Variants in CDH13 observed in about 807,000 individuals in gnomAD.
CDH13 encodes cadherin-13.
In CDH13, 24 loss-of-function variants were observed where a neutral mutation model predicts 63.8. The observed-to-expected ratio is 0.38, with a 90% CI of 0.27 to 0.53. The LOEUF is 0.53. CDH13 is among the 20% of genes least tolerant of loss of function. The pLI is 0.85. For missense variants in CDH13, 1,049 were observed against 903.1 expected (o/e 1.16, Z -2.07); for synonymous variants, 503 against 355.3 (o/e 1.42, Z -4.67).
chr16:83,117,469 C>T (rs1378320598), intron 3 of CDH13, among the ~76,000 whole-genome samples: 32 of 152,156 alleles, frequency 2.1e-4, no homozygotes. Context: ...CCCCTGAGCA[C>T]TTCCAGCCCT....
Position 83,484,005 on chromosome 16 carries a change from C to G in CDH13, c.782-2472C>G, listed in dbSNP as rs1246335688. ...CTTGAAGCTTGCCCTGAGACCATCTCACAGGGCAAAGAAGCTAGGTGGATA... is the reference window on the plus strand; with the variant it reads ...CTTGAAGCTTGCCCTGAGACCATCTGACAGGGCAAAGAAGCTAGGTGGATA... On this transcript the variant is annotated intron_variant, in intron 6 of 13. Transcript: ENST00000567109. 2.0e-5 allele frequency among the ~76,000 whole-genome samples: 3 copies of G among 152,234 alleles called. No individual in the cohort carries two copies. The South Asian group carries it at 6.2e-4, about 32-fold the overall frequency.
intron 6 of CDH13, among the ~76,000 whole-genome samples, chr16:83,385,025 A>G (rs911018692): frequency 6.6e-6 from 1 of 152,226 alleles, no homozygotes. Context: ...AACAGCAGCC[A>G]GCTCCCAGCA....
chr16:83,129,865 A>G (rs921083710), intron 4 of CDH13, among the ~76,000 whole-genome samples: 2 of 152,058 alleles, frequency 1.3e-5, no homozygotes, highest in Non-Finnish European at 2.9e-5. Context: ...TAATATATCT[A>G]TATTATTTTT....
At chr16:83,393,529 C>T (rs945545170) in intron 6 of CDH13, among the ~76,000 whole-genome samples, 2 of 152,172 alleles carry the variant, frequency 1.3e-5, no homozygotes, top group Non-Finnish European at 2.9e-5. Context: ...CTGCCAGGAA[C>T]CAGGGCAGCT....
intron 3 of CDH13, among the ~76,000 whole-genome samples, chr16:83,032,760 C>G (rs1161454392): frequency 6.6e-6 from 1 of 152,184 alleles, no homozygotes; most frequent in Non-Finnish European, 1.5e-5. Flanking sequence ...GGTCACATTT[C>G]TTTTCCTGAA....
In CDH13 at chr16:83,393,739, C is replaced by T. The variant is rs181714000; in HGVS notation, c.781+48733C>T. On this transcript the variant is annotated intron_variant, in intron 6 of 13. Transcript: ENST00000567109. The stretch of plus-strand genomic sequence containing the variant: ...CCTGGTCAAGGAACCAGGCTCAGCC[C>T]ACAATGTATGCATTTATTCATTCAT... Among the ~76,000 whole-genome samples the T allele has an allele frequency of 1.1e-3, 174 of 152,278 alleles. 1 individual carries two copies. Among genetic ancestry groups the T allele is most frequent in the African/African-American group, 3.9e-3 (160 of 41,550 alleles).
chr16:83,483,154 C>T (rs905094795), intron 6 of CDH13, among the ~76,000 whole-genome samples: 2 of 152,142 alleles, frequency 1.3e-5, no homozygotes, highest in African/African-American at 2.4e-5. Context: ...CCAGATACGT[C>T]ACCTCAGAGT....
chr16:83,528,956 G>T (rs2075022279), intron 7 of CDH13, among the ~76,000 whole-genome samples: 1 of 152,064 alleles, frequency 6.6e-6, no homozygotes. Flanking sequence ...GTTACTAATG[G>T]GGTAGTTATA....
At chr16:83,112,276 A>G (rs16959294) in intron 3 of CDH13, among the ~76,000 whole-genome samples, 3,248 of 152,342 alleles carry the variant, frequency 0.021, 116 homozygotes, top group African/African-American at 0.074. Context: ...CAAGAAACCA[A>G]TCCCGTTGGC....
chr16:83,106,214 T>C (rs1172461247), intron 3 of CDH13, among the ~76,000 whole-genome samples: 1 of 152,212 alleles, frequency 6.6e-6, no homozygotes, highest in Non-Finnish European at 1.5e-5. Flanking sequence ...TATTTGCCTT[T>C]CATTTATAGT....
At chr16:83,613,111 C>T (rs1389488816) in intron 8 of CDH13, among the ~76,000 whole-genome samples, 2 of 152,138 alleles carry the variant, frequency 1.3e-5, no homozygotes, top group African/African-American at 4.8e-5. Flanking sequence ...TCAAAGATAA[C>T]ATTTCATTGT....
intron 10 of CDH13, among the ~76,000 whole-genome samples, chr16:83,716,749 T>C (rs923188475): frequency 3.3e-5 from 5 of 152,316 alleles, no homozygotes; most frequent in Non-Finnish European, 5.9e-5. Flanking sequence ...TCCAAAGTGC[T>C]GGGATTATAG....
At chr16:82,989,949 T>A (rs1007994372) in intron 2 of CDH13, among the ~76,000 whole-genome samples, 2 of 152,190 alleles carry the variant, frequency 1.3e-5, no homozygotes, top group Non-Finnish European at 2.9e-5. Context: ...TCCCATTTTT[T>A]TTTTTACCAG....
At chr16:83,674,102 C>T (rs555384096) in intron 9 of CDH13, among the ~76,000 whole-genome samples, 31 of 152,300 alleles carry the variant, frequency 2.0e-4, no homozygotes, top group African/African-American at 7.2e-4. Flanking sequence ...TGCTGCTGTC[C>T]ACTGTGCCAG....
At chr16:82,883,451 A>G (rs1394512203) in intron 2 of CDH13, among the ~76,000 whole-genome samples, 2 of 152,202 alleles carry the variant, frequency 1.3e-5, no homozygotes, top group African/African-American at 2.4e-5. Context: ...GTGGTTCACA[A>G]TGAGTATGAT....
chr16:83,306,752 A>G (rs1339057627), intron 5 of CDH13, among the ~76,000 whole-genome samples: 1 of 152,204 alleles, frequency 6.6e-6, no homozygotes, highest in Non-Finnish European at 1.5e-5. Flanking sequence ...CTTGCAAGCC[A>G]TGATAAGAAA....
At chr16:83,600,585 G>C (rs553128736) in intron 7 of CDH13, among the ~76,000 whole-genome samples, 1 of 152,088 alleles carries the variant, frequency 6.6e-6, no homozygotes, top group Non-Finnish European at 1.5e-5. Context: ...TTGCTTTTTT[G>C]TTCCTTGCTT....
chr16:83,168,697 G>A (rs1224089560), intron 4 of CDH13, among the ~76,000 whole-genome samples: 2 of 152,008 alleles, frequency 1.3e-5, no homozygotes, highest in East Asian at 3.9e-4. Context: ...CTATCCATAT[G>A]AGTATAATTA....
intron 2 of CDH13, among the ~76,000 whole-genome samples, chr16:82,906,430 C>T (rs2041649754): frequency 6.6e-6 from 1 of 152,254 alleles, no homozygotes; most frequent in South Asian, 2.1e-4. Context: ...CAATCATGAA[C>T]CCACTTGTAC....
Sources: gnomAD v4.1 joint callset for allele counts (sites outside exome capture counted in the v4.1 genomes callset) on GRCh38, gnomAD v4.1.1 for gene constraint, MANE v1.5 for transcripts, NCBI Gene and HGNC (gene_info 2026-07-23, HGNC 2026-07-21) for gene names.